Variants in MAGI1 observed in about 807,000 individuals in gnomAD.
MAGI1 encodes the protein membrane-associated guanylate kinase, WW and PDZ domain-containing protein 1.
In MAGI1, 58 loss-of-function variants were observed where a neutral mutation model predicts 139.9. The observed-to-expected ratio is 0.41, with a 90% CI of 0.34 to 0.52. The LOEUF is 0.52. MAGI1 is among the 20% of genes least tolerant of loss of function. The pLI, the probability that MAGI1 is intolerant of heterozygous loss-of-function variation, is 0.12. For missense variants in MAGI1, 1,874 were observed against 1,901.6 expected (o/e 0.99, Z 0.27); for synonymous variants, 812 against 737.9 (o/e 1.10, Z -1.63).
At chr3:65,638,895 C>G (rs955429589) in intron 1 of MAGI1, among the ~76,000 whole-genome samples, 1 of 152,054 alleles carries the variant, frequency 6.6e-6, no homozygotes, top group East Asian at 1.9e-4. Context: ...GCGTGAGCCA[C>G]CAGGCGTGGC....
chr3:65,870,375 A>G (rs2059896736), intron 1 of MAGI1, among the ~76,000 whole-genome samples: 1 of 152,060 alleles, frequency 6.6e-6, no homozygotes, highest in Admixed American at 6.5e-5. Flanking sequence ...TGAGCTATTC[A>G]CATTCTGATC....
chr3:65,522,583 G>A (rs1423861093), intron 2 of MAGI1, among the ~76,000 whole-genome samples: 1 of 152,142 alleles, frequency 6.6e-6, no homozygotes, highest in East Asian at 1.9e-4. Flanking sequence ...CCCTCCAGTA[G>A]CTTCCCAAAC....
At chr3:65,515,328 A>G (rs959638607) in intron 2 of MAGI1, among the ~76,000 whole-genome samples, 2 of 152,184 alleles carry the variant, frequency 1.3e-5, no homozygotes, top group Non-Finnish European at 2.9e-5. Context: ...TTACATTTGA[A>G]GACAGCAATT....
chr3:65,689,235 G>GAAAT (rs1351225141), intron 1 of MAGI1, among the ~76,000 whole-genome samples: 1 of 152,124 alleles, frequency 6.6e-6, no homozygotes, highest in Non-Finnish European at 1.5e-5. Context: ...TTCTCACAAG[G>GAAAT]AAATATGCCT....
At chr3:65,508,471 T>C (rs2077399226) in intron 2 of MAGI1, among the ~76,000 whole-genome samples, 2 of 152,146 alleles carry the variant, frequency 1.3e-5, no homozygotes, top group African/African-American at 4.8e-5. Flanking sequence ...CTTTGAATTA[T>C]TATGTTATAT....
At chr3:65,490,974 T>A (rs1358263431) in intron 3 of MAGI1, among the ~76,000 whole-genome samples, 1 of 152,118 alleles carries the variant, frequency 6.6e-6, no homozygotes, top group East Asian at 1.9e-4. Flanking sequence ...ATTAGTCCTG[T>A]GCCTAAGAAA....
chr3:65,853,777 C>T (rs1281807258), intron 1 of MAGI1, among the ~76,000 whole-genome samples: 1 of 152,126 alleles, frequency 6.6e-6, no homozygotes, highest in African/African-American at 2.4e-5. Context: ...AATATGGAAG[C>T]CTTCCAGGGA....
At chr3:65,638,027 T>A (rs958299012) in intron 1 of MAGI1, among the ~76,000 whole-genome samples, 1 of 152,118 alleles carries the variant, frequency 6.6e-6, no homozygotes, top group Admixed American at 6.5e-5. Context: ...TAAAGGATGA[T>A]ACTGCTAATT....
At chr3:65,610,819 T>TATAC (rs756816310) in intron 2 of MAGI1, among the ~76,000 whole-genome samples, 13 of 125,166 alleles carry the variant, frequency 1.0e-4, no homozygotes, top group South Asian at 4.8e-4. Context: ...ATATAGTATA[T>TATAC]AGTATATATA....
intron 12 of MAGI1, among the ~76,000 whole-genome samples, chr3:65,410,851 A>C (rs898057022): frequency 2.6e-5 from 4 of 152,216 alleles, no homozygotes; most frequent in Admixed American, 1.3e-4. Context: ...CTACACAACT[A>C]ACAGGTTGAC....
chr3:65,482,296 T>G (rs748214893), intron 3 of MAGI1, among the ~76,000 whole-genome samples: 24 of 152,236 alleles, frequency 1.6e-4, no homozygotes, highest in Non-Finnish European at 3.1e-4. Context: ...TAACCTATGC[T>G]GAAGTCTGCC....
At chr3:65,390,593 T>C (rs1943843211) in intron 14 of MAGI1, among the ~76,000 whole-genome samples, 1 of 152,184 alleles carries the variant, frequency 6.6e-6, no homozygotes, top group African/African-American at 2.4e-5. Context: ...CTCATATTTA[T>C]AGAAAAGGTA....
At chr3:65,605,760 C>G (rs191300929) in intron 2 of MAGI1, among the ~76,000 whole-genome samples, 4 of 152,290 alleles carry the variant, frequency 2.6e-5, no homozygotes, top group Admixed American at 2.6e-4. Context: ...TTGTCCAACT[C>G]AGGTTCAATG....
At chr3:65,366,191 A>G (rs1420116602) in intron 18 of MAGI1, among the ~76,000 whole-genome samples, 4 of 152,166 alleles carry the variant, frequency 2.6e-5, no homozygotes, top group Non-Finnish European at 1.5e-5. Context: ...TGTGCCTGAC[A>G]TACAATAAGC....
At chr3:65,889,979 C>T (rs1192114735) in intron 1 of MAGI1, among the ~76,000 whole-genome samples, 1 of 152,194 alleles carries the variant, frequency 6.6e-6, no homozygotes, top group Non-Finnish European at 1.5e-5. Context: ...TTGTGCCTTT[C>T]AACAGATTGT....
At chr3:65,990,069 G>C (rs2066087242) in intron 1 of MAGI1, among the ~76,000 whole-genome samples, 1 of 152,164 alleles carries the variant, frequency 6.6e-6, no homozygotes, top group African/African-American at 2.4e-5. Flanking sequence ...TGATGATGAT[G>C]ATGATGATAA....
chr3:65,538,973 C>T (rs983712863), intron 2 of MAGI1, among the ~76,000 whole-genome samples: 1 of 118,170 alleles, frequency 8.5e-6, no homozygotes, highest in African/African-American at 2.6e-5. Context: ...CAAACAGACA[C>T]ATATACCAAC....
At chr3:66,008,469 C>T (rs1414293702) in intron 1 of MAGI1, among the ~76,000 whole-genome samples, 2 of 152,174 alleles carry the variant, frequency 1.3e-5, no homozygotes, top group African/African-American at 4.8e-5. Context: ...GCAGGCACAG[C>T]AATGCCCTTG....
chr3:65,668,603 G>A (rs1422736340), intron 1 of MAGI1, among the ~76,000 whole-genome samples: 20 of 109,732 alleles, frequency 1.8e-4, no homozygotes, highest in African/African-American at 2.2e-4. Flanking sequence ...GTCTCACTCT[G>A]TCGCCCAGGC....
Sources: allele counts gnomAD v4.1 joint callset (sites outside exome capture counted in the v4.1 genomes callset), GRCh38; gene constraint gnomAD v4.1.1; transcripts MANE v1.5; gene names NCBI Gene and HGNC (gene_info 2026-07-23, HGNC 2026-07-21).